Variants in ADGRG7 observed in about 807,000 individuals in gnomAD.
ADGRG7 encodes adhesion G protein-coupled receptor G7.
A neutral mutation model predicts 88.6 loss-of-function variants in ADGRG7; 82 were observed. The ratio of observed to expected loss-of-function variants is 0.93; its 90% CI spans 0.77 to 1.11. ADGRG7 has a LOEUF of 1.11. ADGRG7 is among the 50% of genes most tolerant of loss of function. The probability of loss-of-function intolerance (pLI) is 0.00; values close to 1 mark genes in which losing one functional copy is unlikely to be tolerated. For missense variants in ADGRG7, 945 were observed against 953.4 expected, an observed-to-expected ratio of 0.99 and a Z score of 0.12; for synonymous variants, 381 against 345.2, an observed-to-expected ratio of 1.10 and a Z score of -1.15.
chr3:100,669,929 T>C (rs1375530902), intron 15 of ADGRG7, among the ~76,000 whole-genome samples: 5 of 151,634 alleles, frequency 3.3e-5, no homozygotes, highest in Admixed American at 3.3e-4. Context: ...TTGCAGCTAC[T>C]TGGGAGGCTG....
At chr3:100,610,771 G>C (rs971917303) in intron 1 of ADGRG7, among the ~76,000 whole-genome samples, 2 of 152,218 alleles carry the variant, frequency 1.3e-5, no homozygotes, top group African/African-American at 4.8e-5. Context: ...ATCAGAGAAA[G>C]CTTCTAATGA....
chr3:100,659,087 C>A (rs576573100), intron 13 of ADGRG7, among the ~76,000 whole-genome samples: 2 of 152,022 alleles, frequency 1.3e-5, no homozygotes, highest in African/African-American at 4.8e-5. Context: ...AAAACAGGTA[C>A]AATGAGGTTA....
intron 11 of ADGRG7, among the ~76,000 whole-genome samples, chr3:100,652,844 G>A (rs1381782737): frequency 1.3e-5 from 2 of 151,534 alleles, no homozygotes; most frequent in South Asian, 2.1e-4. Flanking sequence ...AAACAAGGCC[G>A]GCCTGCAGAC....
chr3:100,654,414 G>A (rs1168348685), intron 11 of ADGRG7: 6 of 158,212 alleles, frequency 3.8e-5, no homozygotes, highest in Non-Finnish European at 8.3e-5. Context: ...TGAACACTAA[G>A]CACTATTGTG....
At chr3:100,685,556 G>A (rs1478088892) in intron 15 of ADGRG7, among the ~76,000 whole-genome samples, 2 of 152,040 alleles carry the variant, frequency 1.3e-5, no homozygotes, top group African/African-American at 4.8e-5. Flanking sequence ...CCTGGTGTGT[G>A]ATGTTCCCCT....
intron 11 of ADGRG7, among the ~76,000 whole-genome samples, chr3:100,650,387 C>T (rs557250296): frequency 6.6e-6 from 1 of 152,062 alleles, no homozygotes; most frequent in Non-Finnish European, 1.5e-5. Context: ...TAACTGCCTG[C>T]GGTCTTTTAG....
chr3:100,653,710 G>C (rs1381672590), intron 11 of ADGRG7, among the ~76,000 whole-genome samples: 1 of 152,162 alleles, frequency 6.6e-6, no homozygotes, highest in Non-Finnish European at 1.5e-5. Context: ...GGCTGGGCCA[G>C]AGTCATCTGG....
chr3:100,662,519 C>G (rs2094946822), intron 14 of ADGRG7, among the ~76,000 whole-genome samples: 1 of 152,228 alleles, frequency 6.6e-6, no homozygotes, highest in African/African-American at 2.4e-5. Context: ...CTATTAAAAA[C>G]TCAGCCATTT....
intron 1 of ADGRG7, among the ~76,000 whole-genome samples, chr3:100,616,332 C>A (rs1676347): frequency 0.94 from 142,836 of 152,012 alleles, 67,765 homozygotes; most frequent in East Asian, 1. Context: ...ATAACAAAAC[C>A]ATCTGAAAGA....
chr3:100,645,410 G>C (rs1394917353), intron 8 of ADGRG7, among the ~76,000 whole-genome samples: 1 of 152,144 alleles, frequency 6.6e-6, no homozygotes, highest in African/African-American at 2.4e-5. Flanking sequence ...ATGGTGAAGA[G>C]TGCCTGCCTC....
chr3:100,659,958 C>T (rs1049831473), intron 14 of ADGRG7, 115 bp downstream of exon 14: 28 of 997,722 alleles, frequency 2.8e-5, no homozygotes, highest in Middle Eastern at 2.2e-4. Context: ...GGCAGGGCTA[C>T]GTGGTTTACA....
intron 14 of ADGRG7, among the ~76,000 whole-genome samples, chr3:100,666,603 G>A (rs1038781701): frequency 2.0e-5 from 3 of 152,136 alleles, no homozygotes; most frequent in African/African-American, 7.2e-5. Flanking sequence ...GCCCAGGGAC[G>A]GGCAGGAGAC....
chr3:100,643,201 C>T (rs1707674786), intron 6 of ADGRG7, 65 bp from the exon 7 acceptor site: 4 of 1,442,466 alleles, frequency 2.8e-6, no homozygotes, highest in African/African-American at 1.4e-5. Context: ...TAGTGTAAGA[C>T]AGAACACATA....
intron 1 of ADGRG7, among the ~76,000 whole-genome samples, chr3:100,619,643 A>C (rs1427644788): frequency 6.6e-6 from 1 of 152,204 alleles, no homozygotes; most frequent in African/African-American, 2.4e-5. Flanking sequence ...AAGATCAACA[A>C]AATTGAAAGA....
At chr3:100,684,168 CT>C (rs1424475952) in intron 15 of ADGRG7, among the ~76,000 whole-genome samples, 2 of 151,742 alleles carry the variant, frequency 1.3e-5, no homozygotes, top group African/African-American at 4.8e-5. Context: ...TTTAAGTTTT[CT>C]CATCACTTTG....
At chr3:100,652,257 T>C (rs554152990) in intron 11 of ADGRG7, among the ~76,000 whole-genome samples, 4 of 152,246 alleles carry the variant, frequency 2.6e-5, no homozygotes, top group East Asian at 1.9e-4. Context: ...TGAGTTCTGT[T>C]TGAATGAAAG....
intron 15 of ADGRG7, among the ~76,000 whole-genome samples, chr3:100,687,486 C>G (rs2094984752): frequency 1.3e-5 from 2 of 152,114 alleles, no homozygotes; most frequent in Admixed American, 6.5e-5. Flanking sequence ...CAGTTTTTGC[C>G]CATTCAGTAT....
chr3:100,611,043 G>T (rs562381876), intron 1 of ADGRG7, among the ~76,000 whole-genome samples: 1 of 152,160 alleles, frequency 6.6e-6, no homozygotes, highest in African/African-American at 2.4e-5. Flanking sequence ...ATAGTATTTA[G>T]AGAACTAGAA....
intron 14 of ADGRG7, 84 bp from the exon 15 acceptor site, chr3:100,668,865 A>G (rs1144110): frequency 0.95 from 895,052 of 939,000 alleles, 432,665 homozygotes; most frequent in Non-Finnish European, 1. Context: ...AGCTGAATAT[A>G]CATTCTAAAT....
Sources: gnomAD v4.1 joint callset for allele counts (sites outside exome capture counted in the v4.1 genomes callset) on GRCh38, gnomAD v4.1.1 for gene constraint, MANE v1.5 for transcripts, NCBI Gene and HGNC (gene_info 2026-07-23, HGNC 2026-07-21) for gene names.